Variants in ELF1 observed in about 807,000 individuals in gnomAD.
ELF1 encodes the protein ETS-related transcription factor Elf-1.
ELF1 carries 24 observed loss-of-function variants against 59.9 expected under a neutral mutation model. That is an observed-to-expected ratio of 0.40 (90% CI 0.29 to 0.56). The LOEUF (loss-of-function observed/expected upper bound fraction) is 0.56. Ranked by LOEUF, ELF1 falls within the 20% of genes least tolerant of loss-of-function variation. The pLI, the probability that ELF1 is intolerant of heterozygous loss-of-function variation, is 0.44. For missense variants in ELF1, 627 were observed against 742.2 expected (o/e 0.84, Z 1.80); for synonymous variants, 248 against 266.2 (o/e 0.93, Z 0.67).
chr13:40,997,949 G>C lies in ELF1; in HGVS notation c.-228-15667C>G, dbSNP rs557486290. ...TCAGATCACTTGAGGCCAGGAGTTTGAGACCAGCCTGGGCAAAAAGGTGAA... is the reference window on the plus strand; with the variant it reads ...TCAGATCACTTGAGGCCAGGAGTTTCAGACCAGCCTGGGCAAAAAGGTGAA... On this transcript the variant is annotated intron_variant, in intron 1 of 8. Transcript: ENST00000239882. Among the ~76,000 whole-genome samples the C allele has an allele frequency of 3.9e-5, 6 of 152,178 alleles. No individual in the cohort carries two copies. The East Asian group carries it at 1.2e-3, about 30-fold the overall frequency.
At chr13:41,009,329 G>A (rs1426149612) in intron 1 of ELF1, among the ~76,000 whole-genome samples, 3 of 149,760 alleles carry the variant, frequency 2.0e-5, no homozygotes, top group Admixed American at 6.7e-5. Flanking sequence ...CAATCACAAC[G>A]AACGATTCAA....
intron 1 of ELF1, among the ~76,000 whole-genome samples, chr13:41,006,615 T>C (rs1026190420): frequency 2.6e-5 from 4 of 152,232 alleles, no homozygotes; most frequent in African/African-American, 9.6e-5. Context: ...TAACAGGTTG[T>C]AAATTATCCT....
intron 3 of ELF1, among the ~76,000 whole-genome samples, chr13:40,954,586 T>TGCAG (rs1410956972): frequency 6.6e-6 from 1 of 152,098 alleles, no homozygotes; most frequent in African/African-American, 2.4e-5. Flanking sequence ...TGCCTGCGAT[T>TGCAG]GCAGGCGCGC....
chr13:40,970,351 C>G (rs1872455469), intron 2 of ELF1, among the ~76,000 whole-genome samples: 1 of 150,952 alleles, frequency 6.6e-6, no homozygotes. Flanking sequence ...AAATCTATCA[C>G]AGGTGAAAGA....
chr13:41,061,019 G>T, exon 1 of ELF1: 1 of 217,570 alleles, frequency 4.6e-6, no homozygotes, highest in Non-Finnish European at 9.8e-6. Context: ...GGGGAGAGGA[G>T]GGGCGGGGCC....
chr13:40,978,115 C>T (rs1309259971), intron 2 of ELF1, among the ~76,000 whole-genome samples: 1 of 152,140 alleles, frequency 6.6e-6, no homozygotes, highest in African/African-American at 2.4e-5. Flanking sequence ...GGCGGTGGCT[C>T]ATGCCTGAAA....
At chr13:41,056,028 C>A (rs781349802) in intron 1 of ELF1, among the ~76,000 whole-genome samples, 2 of 152,158 alleles carry the variant, frequency 1.3e-5, no homozygotes, top group African/African-American at 4.8e-5. Flanking sequence ...ACTTACATAT[C>A]ATGAAGTTTA....
At position 40,959,023 on chromosome 13, in the gene ELF1, A is replaced by G. The variant is rs201988201; in HGVS notation, c.73-7T>C. Reference sequence around the variant, plus strand: ...AAATAGCTGGATCACCAAGCTGGGAAGGGTTAGGGAGAGGAAAATGAAAAC... The same window carrying G: ...AAATAGCTGGATCACCAAGCTGGGAGGGGTTAGGGAGAGGAAAATGAAAAC... On this transcript the variant is annotated splice_polypyrimidine_tract_variant and splice_region_variant and intron_variant, in intron 2 of 8. Transcript: ENST00000239882. The G allele has an allele frequency of 3.5e-5, 55 of 1,584,170 alleles. No homozygotes were observed. Among genetic ancestry groups the G allele is most frequent in the Non-Finnish European group, 4.0e-5 (47 of 1,167,478 alleles).
intron 1 of ELF1, among the ~76,000 whole-genome samples, chr13:41,002,771 T>C (rs1340009197): frequency 1.3e-5 from 2 of 152,084 alleles, no homozygotes; most frequent in Admixed American, 1.3e-4. Context: ...TTACAATCTA[T>C]CAACTAAGGC....
chr13:41,035,019 T>C (rs549765348), intron 1 of ELF1, among the ~76,000 whole-genome samples: 4 of 152,352 alleles, frequency 2.6e-5, no homozygotes, highest in African/African-American at 9.6e-5. Flanking sequence ...CAAGAGCCTT[T>C]CTCTCCTCAC....
chr13:41,035,859 C>T (rs1332861400), intron 1 of ELF1, among the ~76,000 whole-genome samples: 1 of 149,872 alleles, frequency 6.7e-6, no homozygotes, highest in African/African-American at 2.5e-5. Flanking sequence ...ACAACAACAA[C>T]AACAACAACA....
intron 2 of ELF1, among the ~76,000 whole-genome samples, chr13:40,981,086 T>C (rs762037086): frequency 1.3e-5 from 2 of 149,876 alleles, no homozygotes; most frequent in Non-Finnish European, 2.9e-5. Flanking sequence ...AGTAACTATG[T>C]TTCCAGAATA....
At chr13:40,991,869 T>C (rs1399222946) in intron 1 of ELF1, among the ~76,000 whole-genome samples, 1 of 152,186 alleles carries the variant, frequency 6.6e-6, no homozygotes, top group Non-Finnish European at 1.5e-5. Flanking sequence ...AACATTTCTA[T>C]AGATTTGAGG....
intron 1 of ELF1, among the ~76,000 whole-genome samples, chr13:41,041,189 A>T (rs1341419017): frequency 6.6e-6 from 1 of 151,430 alleles, no homozygotes; most frequent in Non-Finnish European, 1.5e-5. Flanking sequence ...TACAAAAAGC[A>T]GCTAGAGAAG....
chr13:41,036,582 G>T (rs907057098), intron 1 of ELF1, among the ~76,000 whole-genome samples: 1 of 152,158 alleles, frequency 6.6e-6, no homozygotes, highest in Non-Finnish European at 1.5e-5. Context: ...AATACCATTT[G>T]ACCCAGCCAT....
intron 2 of ELF1, among the ~76,000 whole-genome samples, chr13:40,960,987 G>A (rs748888706): frequency 1.1e-4 from 17 of 152,134 alleles, no homozygotes. Context: ...CTTCTTAAAT[G>A]TAAGAAAAAG....
chr13:41,017,149 C>A (rs1366579848), intron 1 of ELF1, among the ~76,000 whole-genome samples: 1 of 151,142 alleles, frequency 6.6e-6, no homozygotes, highest in African/African-American at 2.4e-5. Flanking sequence ...ATGAATGCAT[C>A]ATCTTTCTGA....
chr13:41,035,905 CTTTTTTTT>C (rs537271056), intron 1 of ELF1, among the ~76,000 whole-genome samples: 3 of 141,734 alleles, frequency 2.1e-5, no homozygotes, highest in South Asian at 4.5e-4. Context: ...TTCTTTTTTT[CTTTTTTTT>C]TTTTGAGATG....
At chr13:40,992,329 T>C (rs1379114762) in intron 1 of ELF1, among the ~76,000 whole-genome samples, 4 of 152,226 alleles carry the variant, frequency 2.6e-5, no homozygotes, top group Middle Eastern at 3.2e-3. Flanking sequence ...TTAGTAAGCA[T>C]TGTATGTGGC....
Sources: gnomAD v4.1 joint callset for allele counts (sites outside exome capture counted in the v4.1 genomes callset) on GRCh38, gnomAD v4.1.1 for gene constraint, MANE v1.5 for transcripts, NCBI Gene and HGNC (gene_info 2026-07-23, HGNC 2026-07-21) for gene names.